The following THRSP variants were observed in gnomAD, a reference collection of about 807,000 sequenced individuals.
THRSP encodes the protein thyroid hormone responsive.
A neutral mutation model predicts 11.1 loss-of-function variants in THRSP; 9 were observed. The ratio of observed to expected loss-of-function variants is 0.81; its 90% CI spans 0.49 to 1.42. The LOEUF is 1.42. THRSP is among the 40% of genes most tolerant of loss of function. THRSP has a pLI of 0.00. For synonymous variants in THRSP, 73 were observed against 78.1 expected (o/e 0.94, Z 0.34); for missense variants, 177 against 188.2 (o/e 0.94, Z 0.35).
In THRSP at chr11:78,068,132, A is replaced by C. The variant is rs565283112; in HGVS notation, c.*493A>C. 2 of 152,188 alleles carry C rather than the reference A, an allele frequency of 1.3e-5. No homozygotes were observed. Among genetic ancestry groups the C allele is most frequent in the African/African-American group, 2.4e-5 (1 of 41,434 alleles). The allele number at this position is 152,188 out of a possible 1,614,324, so 9.4% of individuals were successfully genotyped here. On this transcript the variant is annotated 3_prime_UTR_variant, in exon 2 of 2. Transcript: ENST00000281030. ...ACATGATGAATCAAAAGCACTTGGCATGTGAGGGCTATTAAAATAGCCTGA... is the reference window on the plus strand; with the variant it reads ...ACATGATGAATCAAAAGCACTTGGCCTGTGAGGGCTATTAAAATAGCCTGA...
intron 1 of THRSP, among the ~76,000 whole-genome samples, chr11:78,067,392 G>A (rs1203921131): frequency 2.0e-5 from 3 of 152,238 alleles, no homozygotes; most frequent in Non-Finnish European, 2.9e-5. Flanking sequence ...AAAGTGCTGG[G>A]ATTACAGGCG....
rs561758442 is a variant in THRSP at position 78,067,951 on chromosome 11, G to C, written c.*312G>C. 6.6e-6 allele frequency: 1 copy of C among 152,250 alleles called. No individual in the cohort carries two copies. Among genetic ancestry groups the C allele is most frequent in the African/African-American group, 2.4e-5 (1 of 41,458 alleles). The allele number at this position is 152,250 out of a possible 1,614,324, so 9.4% of individuals were successfully genotyped here. On this transcript the variant is annotated 3_prime_UTR_variant, in exon 2 of 2. Coordinates refer to ENST00000281030, the MANE Select transcript of THRSP (RefSeq NM_003251.4). ...TGTCCAGTGTGGTATGGTAGGAAGA[G>C]TGTAGGTGTTGGCACGTGACCAAAA... is the stretch of plus-strand genomic sequence containing the variant.
intron 1 of THRSP, among the ~76,000 whole-genome samples, chr11:78,065,473 T>G (rs1207067504): frequency 6.6e-6 from 1 of 152,138 alleles, no homozygotes; most frequent in Non-Finnish European, 1.5e-5. Flanking sequence ...TAATAGAAAT[T>G]GGACCACAGC....
chr11:78,065,967 A>C (rs1189981469), intron 1 of THRSP, among the ~76,000 whole-genome samples: 1 of 152,170 alleles, frequency 6.6e-6, no homozygotes, highest in Non-Finnish European at 1.5e-5. Flanking sequence ...TTCTTGAATT[A>C]GATGGGGCTG....
At chr11:78,064,776 C>T (rs1300593559) in intron 1 of THRSP, among the ~76,000 whole-genome samples, 1 of 151,928 alleles carries the variant, frequency 6.6e-6, no homozygotes, top group East Asian at 1.9e-4. Context: ...GATCATGAGG[C>T]CAGGAGATTG....
chr11:78,066,523 T>C (rs899543147), intron 1 of THRSP, among the ~76,000 whole-genome samples: 1 of 152,148 alleles, frequency 6.6e-6, no homozygotes, highest in Non-Finnish European at 1.5e-5. Flanking sequence ...TGAGTCCAAG[T>C]TTACTCAGTA....
intron 1 of THRSP, among the ~76,000 whole-genome samples, chr11:78,065,602 GAA>G (rs895026363): frequency 3.3e-5 from 5 of 152,188 alleles, no homozygotes; most frequent in African/African-American, 1.2e-4. Context: ...AGCTATGTAG[GAA>G]AAGATTCTCA....
chr11:78,067,429 A>G (rs1045665375), intron 1 of THRSP, among the ~76,000 whole-genome samples: 1 of 152,214 alleles, frequency 6.6e-6, no homozygotes, highest in Non-Finnish European at 1.5e-5. Context: ...GCCCTAGACA[A>G]CTTATCTTAC....
chr11:78,065,132 T>A (rs180715980), intron 1 of THRSP, among the ~76,000 whole-genome samples: 98 of 152,010 alleles, frequency 6.4e-4, no homozygotes, highest in Non-Finnish European at 1.1e-3. Context: ...GATACATAGG[T>A]GAGGCTGCTT....
Position 78,064,066 on chromosome 11 carries a change from T to C in THRSP, c.185T>C (p.Met62Thr). 1 of 1,614,140 alleles carries C rather than the reference T, an allele frequency of 6.2e-7. No homozygotes were observed. The highest frequency in any genetic ancestry group is 8.5e-7 in the Non-Finnish European group (1 of 1,180,010). Residue 62 changes from methionine (M) to threonine (T), a missense_variant, in exon 1 of 2, where the codon ATG (methionine) becomes ACG (threonine). Met to Thr is a moderately conservative substitution (Grantham distance 81). Transcript: ENST00000281030. ...EAPDLYTYFT[M>T]LKAICVDVDH... is the part of the protein sequence containing the mutation. ...CCTGATCTCTACACCTACTTCACCA[T>C]GCTCAAGGCCATCTGTGTGGATGTG...
In THRSP at chr11:78,063,918, C is replaced by A. The variant is rs778377132; in HGVS notation, c.37C>A (p.Leu13Met). Residue 13 changes from leucine (L) to methionine (M), a missense_variant, in exon 1 of 2, where the codon CTG (leucine) becomes ATG (methionine). By Grantham distance (15) the Leu-to-Met change is conservative. Coordinates refer to ENST00000281030, the MANE Select transcript of THRSP (RefSeq NM_003251.4). The stretch of plus-strand genomic sequence containing the variant: ...AACCAAGCGTTACCCCAAGAACTGC[C>A]TGCTGACCGTCATGGACCGGTATGC... ...VLTKRYPKNC[L>M]LTVMDRYAAE... 8.8e-6 allele frequency: 14 copies of A among 1,597,442 alleles called. No individual in the cohort carries two copies. The highest frequency in any genetic ancestry group is 1.1e-5 in the Non-Finnish European group (13 of 1,171,972).
intron 1 of THRSP, among the ~76,000 whole-genome samples, chr11:78,066,979 C>T (rs1858769341): frequency 6.6e-6 from 1 of 151,996 alleles, no homozygotes; most frequent in Admixed American, 6.6e-5. Context: ...GTGCACGCCA[C>T]TACACCCAGC....
chr11:78,066,304 C>T (rs1440327161), intron 1 of THRSP, among the ~76,000 whole-genome samples: 4 of 152,228 alleles, frequency 2.6e-5, no homozygotes, highest in Admixed American at 6.5e-5. Context: ...GCTGGGATTA[C>T]AGGCGTGTGC....
At position 78,067,950 on chromosome 11, in the gene THRSP, A is replaced by T. The variant is rs1024027866; in HGVS notation, c.*311A>T. 1.3e-5 allele frequency: 2 copies of T among 152,172 alleles called. No individual in the cohort carries two copies. Among genetic ancestry groups the T allele is most frequent in the Non-Finnish European group, 2.9e-5 (2 of 68,058 alleles). 9.4% of individuals were successfully genotyped at this position (152,172 alleles called of 1,614,324 possible). Reference sequence around the variant, plus strand: ...CTGTCCAGTGTGGTATGGTAGGAAGAGTGTAGGTGTTGGCACGTGACCAAA... The same window carrying T: ...CTGTCCAGTGTGGTATGGTAGGAAGTGTGTAGGTGTTGGCACGTGACCAAA... On this transcript the variant is annotated 3_prime_UTR_variant, in exon 2 of 2. Coordinates refer to ENST00000281030, the MANE Select transcript of THRSP (RefSeq NM_003251.4).
Position 78,064,182 on chromosome 11 carries a change from G to T in THRSP, c.301G>T (p.Glu101Ter). 15 of 1,614,162 alleles carry T rather than the reference G, an allele frequency of 9.3e-6. No homozygotes were observed. The highest frequency in any genetic ancestry group is 1.3e-5 in the Non-Finnish European group (15 of 1,180,036). ...GTAETEEVED[E>*]SASGELDLEA... ...CGCAGAGACAGAGGAAGTCGAGGAC[G>T]AGAGTGCCTCAGGAGAGCTGGACCT... The change falls in exon 1 of 2, where the codon GAG (glutamate) becomes TAG (stop). Residue 101 changes from glutamate to a stop codon, truncating the protein, a stop_gained. Coordinates refer to ENST00000281030, the MANE Select transcript of THRSP (RefSeq NM_003251.4). LOFTEE classifies it high-confidence loss of function.
In THRSP at chr11:78,067,948, A is replaced by G. The variant is rs1289768710; in HGVS notation, c.*309A>G. The G allele has an allele frequency of 1.3e-5, 2 of 152,196 alleles. No homozygotes were observed. Among genetic ancestry groups the G allele is most frequent in the Non-Finnish European group, 2.9e-5 (2 of 68,056 alleles). The allele number at this position is 152,196 out of a possible 1,614,324, so 9.4% of individuals were successfully genotyped here. On this transcript the variant is annotated 3_prime_UTR_variant, in exon 2 of 2. Transcript: ENST00000281030. ...ACCTGTCCAGTGTGGTATGGTAGGA[A>G]GAGTGTAGGTGTTGGCACGTGACCA...
At chr11:78,066,874 T>C (rs1296351727) in intron 1 of THRSP, among the ~76,000 whole-genome samples, 1 of 152,108 alleles carries the variant, frequency 6.6e-6, no homozygotes, top group Non-Finnish European at 1.5e-5. Flanking sequence ...ATTGCCAGGC[T>C]GGAGTGCAGT....
chr11:78,065,918 T>C (rs1347034220), intron 1 of THRSP, among the ~76,000 whole-genome samples: 1 of 152,150 alleles, frequency 6.6e-6, no homozygotes, highest in African/African-American at 2.4e-5. Flanking sequence ...CCTTCTTCCC[T>C]CTCCCGTTGA....
At position 78,063,977 on chromosome 11, in the gene THRSP, G is replaced by T. The variant is rs1858654357; in HGVS notation, c.96G>T (p.Met32Ile). Residue 32 changes from methionine to isoleucine, a missense_variant, in exon 1 of 2, where the codon ATG becomes ATT. Physicochemically the swap from Met to Ile is conservative, Grantham distance 10 (BLOSUM62 1). Coordinates refer to ENST00000281030, the MANE Select transcript of THRSP (RefSeq NM_003251.4). ...AEVHNMEQVV[M>I]IPSLLRDVQL... Reference sequence around the variant, plus strand: ...TGCACAACATGGAGCAGGTGGTGATGATCCCCAGCCTTCTGCGGGACGTGC... The same window carrying T: ...TGCACAACATGGAGCAGGTGGTGATTATCCCCAGCCTTCTGCGGGACGTGC... The T allele has an allele frequency of 6.2e-7, 1 of 1,614,064 alleles. No individual in the cohort carries two copies. Among genetic ancestry groups the T allele is most frequent in the Non-Finnish European group, 8.5e-7 (1 of 1,179,998 alleles).
Sources: gnomAD v4.1 joint callset for allele counts (sites outside exome capture counted in the v4.1 genomes callset) on GRCh38, gnomAD v4.1.1 for gene constraint, MANE v1.5 for transcripts, NCBI Gene and HGNC (gene_info 2026-07-23, HGNC 2026-07-21) for gene names.